PSD3: variants seen among roughly 807,000 people sequenced by gnomAD.
The protein encoded by PSD3 is PH and SEC7 domain-containing protein 3.
PSD3 carries 49 observed loss-of-function variants against 105.5 expected under a neutral mutation model. That is an observed-to-expected ratio of 0.46 (90% CI 0.37 to 0.59). The LOEUF (loss-of-function observed/expected upper bound fraction) is 0.59. Ranked by LOEUF, PSD3 falls within the 20% of genes least tolerant of loss-of-function variation. PSD3 has a pLI of 0.00. For synonymous variants in PSD3, 557 were observed against 457.8 expected (o/e 1.22, Z -2.77); for missense variants, 1,561 against 1,263.8 (o/e 1.24, Z -3.57).
chr8:18,716,054 G>A (rs1190793921), intron 9 of PSD3, among the ~76,000 whole-genome samples: 1 of 152,222 alleles, frequency 6.6e-6, no homozygotes, highest in Non-Finnish European at 1.5e-5. Context: ...CGGCAGGAGT[G>A]GGTGAGTGCT....
At chr8:18,879,939 T>A (rs964490902) in intron 2 of PSD3, among the ~76,000 whole-genome samples, 1 of 152,130 alleles carries the variant, frequency 6.6e-6, no homozygotes, top group South Asian at 2.1e-4. Flanking sequence ...ACAAATATAA[T>A]GAAGAATAAA....
At chr8:18,667,210 G>C (rs574210985) in intron 9 of PSD3, among the ~76,000 whole-genome samples, 1 of 152,080 alleles carries the variant, frequency 6.6e-6, no homozygotes, top group Admixed American at 6.5e-5. Flanking sequence ...ACAGAGAGCC[G>C]ATTACTCTGT....
intron 8 of PSD3, among the ~76,000 whole-genome samples, chr8:18,778,175 G>A (rs975059141): frequency 2.0e-5 from 3 of 152,102 alleles, no homozygotes; most frequent in Admixed American, 6.5e-5. Flanking sequence ...TTGCTGGATC[G>A]AATGAAATTA....
chr8:19,063,610 C>T (rs79898402), intron 1 of PSD3, among the ~76,000 whole-genome samples: 2,314 of 152,230 alleles, frequency 0.015, 77 homozygotes, highest in African/African-American at 0.053. Context: ...ATATTAATAG[C>T]ATGTCTGGAG....
Position 18,896,303 on chromosome 8 carries a change from T to C in PSD3, c.131-23570A>G, listed in dbSNP as rs114764391. ...TGGGAGTGCAGATAGATCTTCAACATACTGATTTCCTTTTTTCTGGATATA... is the reference window on the plus strand; with the variant it reads ...TGGGAGTGCAGATAGATCTTCAACACACTGATTTCCTTTTTTCTGGATATA... On this transcript the variant is annotated intron_variant, in intron 2 of 15. Coordinates refer to ENST00000327040, the MANE Select transcript of PSD3 (RefSeq NM_015310.4). 3.5e-3 allele frequency among the ~76,000 whole-genome samples: 528 copies of C among 152,336 alleles called. 6 individuals are homozygous for C. Among genetic ancestry groups the C allele is most frequent in the African/African-American group, 0.012 (493 of 41,576 alleles).
chr8:18,655,882 A>C (rs1371792634), intron 9 of PSD3, among the ~76,000 whole-genome samples, 197 bp from the exon 10 acceptor site: 2 of 152,208 alleles, frequency 1.3e-5, no homozygotes, highest in Non-Finnish European at 2.9e-5. Context: ...TCATGAAACA[A>C]AGAAACTTTC....
intron 1 of PSD3, among the ~76,000 whole-genome samples, chr8:19,072,306 C>T (rs1452791329): frequency 1.4e-5 from 2 of 148,086 alleles, no homozygotes; most frequent in South Asian, 2.1e-4. Context: ...AGGCTGGTCT[C>T]GAACTCCTGA....
intron 1 of PSD3, among the ~76,000 whole-genome samples, chr8:19,054,978 T>C (rs1164819633): frequency 6.6e-6 from 1 of 152,166 alleles, no homozygotes; most frequent in Non-Finnish European, 1.5e-5. Flanking sequence ...TGTTCACCCC[T>C]GTACAGGTAG....
chr8:19,024,714 G>C (rs1827483748), intron 1 of PSD3, among the ~76,000 whole-genome samples: 2 of 152,046 alleles, frequency 1.3e-5, no homozygotes, highest in South Asian at 4.2e-4. Context: ...GGGGAGAGGG[G>C]GTCTGGAGAT....
At chr8:18,795,409 C>A (rs532323235) in intron 8 of PSD3, among the ~76,000 whole-genome samples, 1 of 152,190 alleles carries the variant, frequency 6.6e-6, no homozygotes, top group African/African-American at 2.4e-5. Context: ...TACTGGAGAA[C>A]AGAGGGATGC....
chr8:18,945,067 G>GAC (rs36067698), intron 1 of PSD3, among the ~76,000 whole-genome samples: 30,238 of 151,282 alleles, frequency 0.2, 3,116 homozygotes, highest in Non-Finnish European at 0.23. Context: ...ATTTCAGACA[G>GAC]ACACACACAC....
chr8:18,950,613 A>G (rs1461545257), intron 1 of PSD3, among the ~76,000 whole-genome samples: 1 of 152,170 alleles, frequency 6.6e-6, no homozygotes, highest in Non-Finnish European at 1.5e-5. Flanking sequence ...CCCACATACA[A>G]GTGAGAACAT....
rs183621208 is a variant in PSD3, at chr8:18,722,726, G to A, written c.2172+42723C>T. Among the ~76,000 whole-genome samples, 7 of 152,052 alleles carry A rather than the reference G, an allele frequency of 4.6e-5. No individual in the cohort carries two copies. The East Asian group carries it at 5.8e-4, about 13-fold the overall frequency. Reference sequence around the variant, plus strand: ...GGGAGAAAAGCATACTGACCTCTTCGGCCTGGGATGCCCTGAGGCTGCCTC... The same window carrying A: ...GGGAGAAAAGCATACTGACCTCTTCAGCCTGGGATGCCCTGAGGCTGCCTC... On this transcript the variant is annotated intron_variant, in intron 9 of 15. Transcript: ENST00000327040.
intron 2 of PSD3, among the ~76,000 whole-genome samples, chr8:18,915,469 T>C (rs1388665285): frequency 6.6e-6 from 1 of 152,120 alleles, no homozygotes; most frequent in Non-Finnish European, 1.5e-5. Context: ...ATATCCAAAA[T>C]ATCCAAGATA....
At chr8:18,959,312 G>A (rs1269128015) in intron 1 of PSD3, among the ~76,000 whole-genome samples, 4 of 151,948 alleles carry the variant, frequency 2.6e-5, no homozygotes, top group African/African-American at 7.3e-5. Context: ...TCTCCCTTCC[G>A]AACATCCAAA....
chr8:18,586,866 G>C (rs780270749), intron 12 of PSD3, among the ~76,000 whole-genome samples: 7 of 152,070 alleles, frequency 4.6e-5, no homozygotes, highest in Non-Finnish European at 8.8e-5. Flanking sequence ...ATGTATATGG[G>C]GTAGAAAGGT....
intron 1 of PSD3, among the ~76,000 whole-genome samples, chr8:18,945,422 G>A (rs1240717364): frequency 6.6e-6 from 1 of 152,172 alleles, no homozygotes; most frequent in South Asian, 2.1e-4. Flanking sequence ...TGTGAGCCAA[G>A]GAATGCAAGA....
chr8:18,575,259 C>A lies in PSD3; in HGVS notation c.2508G>T (p.Leu836Phe). The change falls in exon 13 of 16, where the codon TTG becomes TTT. Residue 836 changes from leucine to phenylalanine, a missense_variant. Physicochemically the swap from Leu to Phe is conservative, Grantham distance 22. Coordinates refer to ENST00000327040, the MANE Select transcript of PSD3 (RefSeq NM_015310.4). ...QKDEYKPEKA[L>F]SEEDLKNAVS... ...CAGCGTTTTTCAAGTCCTCTTCAGA[C>A]AAGGCCTTTTCTGGCTTGTATTCAT... The A allele has an allele frequency of 1.2e-6, 2 of 1,611,710 alleles. No individual in the cohort carries two copies. The highest frequency in any genetic ancestry group is 1.7e-6 in the Non-Finnish European group (2 of 1,178,844).
chr8:18,876,991 C>A lies in PSD3; in HGVS notation c.131-4258G>T, dbSNP rs528492309. On this transcript the variant is annotated intron_variant, in intron 2 of 15. Transcript: ENST00000327040. ...TTTGTGCATCTTTTTTAGAGACATGCCCATTTGATGGCTGAATTATTTGTC... is the reference window on the plus strand; with the variant it reads ...TTTGTGCATCTTTTTTAGAGACATGACCATTTGATGGCTGAATTATTTGTC... 5.3e-5 allele frequency among the ~76,000 whole-genome samples: 8 copies of A among 152,266 alleles called. No homozygotes were observed. The South Asian group carries it at 1.7e-3, about 32-fold the overall frequency.
Sources: gnomAD v4.1 joint callset for allele counts (sites outside exome capture counted in the v4.1 genomes callset) on GRCh38, gnomAD v4.1.1 for gene constraint, MANE v1.5 for transcripts, NCBI Gene and HGNC (gene_info 2026-07-23, HGNC 2026-07-21) for gene names.